MYRIP: variants seen among roughly 807,000 people sequenced by gnomAD.
The protein encoded by MYRIP is rab effector MyRIP.
Under a neutral mutation model 98.0 loss-of-function variants are expected in MYRIP, and 49 were observed. The observed-to-expected ratio is 0.50, with a 90% CI of 0.40 to 0.63. The LOEUF (loss-of-function observed/expected upper bound fraction) is 0.63, where lower values mean the gene tolerates loss of function less well. Ranked by LOEUF, MYRIP falls within the 30% of genes least tolerant of loss-of-function variation. The pLI is 0.00. For missense variants in MYRIP, 1,004 were observed against 1,058.2 expected, an observed-to-expected ratio of 0.95 and a Z score of 0.71; for synonymous variants, 404 against 409.5, an observed-to-expected ratio of 0.99 and a Z score of 0.16.
intron 2 of MYRIP, among the ~76,000 whole-genome samples, chr3:39,993,085 TG>T (rs1248399058): frequency 6.6e-6 from 1 of 152,164 alleles, no homozygotes; most frequent in Admixed American, 6.6e-5. Flanking sequence ...TTCTGGAGTA[TG>T]GCCAGTCCAA....
intron 1 of MYRIP, among the ~76,000 whole-genome samples, chr3:39,877,109 T>C (rs1047726873): frequency 3.3e-5 from 5 of 152,226 alleles, no homozygotes; most frequent in African/African-American, 1.2e-4. Context: ...CCATCACTGA[T>C]ACCCTTTCTT....
At chr3:40,033,936 A>T (rs1947318502) in intron 2 of MYRIP, among the ~76,000 whole-genome samples, 1 of 152,132 alleles carries the variant, frequency 6.6e-6, no homozygotes, top group Admixed American at 6.5e-5. Context: ...CAACTATCTG[A>T]TCTTTGACAA....
At chr3:40,102,826 T>A (rs1277852387) in intron 3 of MYRIP, among the ~76,000 whole-genome samples, 5 of 151,982 alleles carry the variant, frequency 3.3e-5, no homozygotes, top group Non-Finnish European at 5.9e-5. Context: ...AAGTTCTATT[T>A]ACTCTCACAA....
chr3:40,054,733 A>G (rs1947850225), intron 3 of MYRIP, among the ~76,000 whole-genome samples: 2 of 152,114 alleles, frequency 1.3e-5, no homozygotes, highest in Admixed American at 1.3e-4. Flanking sequence ...GGCCTCCACA[A>G]TCTCATAAGC....
intron 2 of MYRIP, among the ~76,000 whole-genome samples, chr3:39,992,760 T>C (rs546256941): frequency 9.2e-5 from 14 of 152,220 alleles, no homozygotes; most frequent in Non-Finnish European, 2.1e-4. Context: ...TTCTTGTTTA[T>C]GGTCCTTTTC....
intron 1 of MYRIP, among the ~76,000 whole-genome samples, chr3:39,890,000 A>C (rs1453132942): frequency 2.0e-5 from 3 of 152,108 alleles, no homozygotes; most frequent in Non-Finnish European, 1.5e-5. Flanking sequence ...TTTTTTTAAA[A>C]ATCAGTTTTC....
intron 2 of MYRIP, among the ~76,000 whole-genome samples, chr3:39,948,469 A>G (rs1944945034): frequency 6.6e-6 from 1 of 152,196 alleles, no homozygotes; most frequent in African/African-American, 2.4e-5. Flanking sequence ...ATATGAAAAT[A>G]TGAATAAAGA....
intron 2 of MYRIP, among the ~76,000 whole-genome samples, chr3:39,986,915 G>A (rs1296850317): frequency 6.6e-6 from 1 of 152,116 alleles, no homozygotes; most frequent in Non-Finnish European, 1.5e-5. Flanking sequence ...CTTGTATCCT[G>A]CTTCCTTTGC....
intron 3 of MYRIP, among the ~76,000 whole-genome samples, chr3:40,063,206 A>G (rs1948054460): frequency 1.3e-5 from 2 of 152,254 alleles, no homozygotes; most frequent in East Asian, 3.8e-4. Flanking sequence ...CTAAGGAGAC[A>G]TGACAGCTAA....
At chr3:39,865,699 A>G (rs1476780916) in intron 1 of MYRIP, among the ~76,000 whole-genome samples, 2 of 152,232 alleles carry the variant, frequency 1.3e-5, no homozygotes, top group South Asian at 2.1e-4. Flanking sequence ...TTGCAGAGCA[A>G]GGGGAACACT....
At chr3:40,073,859 G>A (rs999769505) in intron 3 of MYRIP, among the ~76,000 whole-genome samples, 1 of 152,190 alleles carries the variant, frequency 6.6e-6, no homozygotes, top group South Asian at 2.1e-4. Flanking sequence ...TACTGCTTAT[G>A]TCTAGCTATC....
chr3:40,162,313 C>T (rs545923216), intron 4 of MYRIP, among the ~76,000 whole-genome samples: 1 of 152,270 alleles, frequency 6.6e-6, no homozygotes, highest in Admixed American at 6.5e-5. Context: ...AATACCTAGG[C>T]CAAAGCCAGA....
chr3:39,987,961 C>T (rs1312978720), intron 2 of MYRIP, among the ~76,000 whole-genome samples: 2 of 152,124 alleles, frequency 1.3e-5, no homozygotes, highest in Non-Finnish European at 2.9e-5. Context: ...ACATATACAC[C>T]ATGGAATACT....
intron 12 of MYRIP, among the ~76,000 whole-genome samples, chr3:40,243,665 G>A (rs1358159127): frequency 6.6e-6 from 1 of 152,112 alleles, no homozygotes; most frequent in African/African-American, 2.4e-5. Context: ...TATTGATTAG[G>A]ATGGGGGGGT....
intron 2 of MYRIP, among the ~76,000 whole-genome samples, chr3:39,990,137 G>A (rs1465934560): frequency 6.6e-6 from 1 of 152,230 alleles, no homozygotes; most frequent in Non-Finnish European, 1.5e-5. Flanking sequence ...ATGGACTCAT[G>A]AGTTGGATCT....
At chr3:40,129,880 G>A (rs1949603117) in intron 3 of MYRIP, among the ~76,000 whole-genome samples, 1 of 152,162 alleles carries the variant, frequency 6.6e-6, no homozygotes. Flanking sequence ...TTTCAGTGCT[G>A]TTCTATGTGA....
intron 2 of MYRIP, among the ~76,000 whole-genome samples, chr3:39,951,594 T>C (rs1052572106): frequency 6.6e-6 from 1 of 152,226 alleles, no homozygotes; most frequent in African/African-American, 2.4e-5. Flanking sequence ...CAATAAACTT[T>C]GTGAACATTA....
In MYRIP at chr3:39,875,078, A is replaced by C. The variant is rs531072856; in HGVS notation, c.-30-25709A>C. Among the ~76,000 whole-genome samples the C allele has an allele frequency of 2.0e-5, 3 of 152,258 alleles. No individual in the cohort carries two copies. In the East Asian group the frequency reaches 5.8e-4, roughly 29 times the overall value. On this transcript the variant is annotated intron_variant, in intron 1 of 16. Coordinates refer to ENST00000302541, the MANE Select transcript of MYRIP (RefSeq NM_015460.4). ...TCCTGGTTTAGTCTTGGGAGGGTGT[A>C]TGTGTCCAGGAATTTATCCATTTCT... is the stretch of plus-strand genomic sequence containing the variant.
intron 3 of MYRIP, among the ~76,000 whole-genome samples, chr3:40,134,486 T>C (rs976969028): frequency 8.5e-5 from 13 of 152,310 alleles, no homozygotes; most frequent in African/African-American, 3.1e-4. Context: ...AAGACAGCAA[T>C]AACCTCTGCA....
Sources: allele counts gnomAD v4.1 joint callset (sites outside exome capture counted in the v4.1 genomes callset), GRCh38; gene constraint gnomAD v4.1.1; transcripts MANE v1.5; gene names NCBI Gene and HGNC (gene_info 2026-07-23, HGNC 2026-07-21).